NAALADL2: variants seen among roughly 807,000 people sequenced by gnomAD.
NAALADL2 encodes the protein N-acetylated alpha-linked acidic dipeptidase like 2.
NAALADL2 carries 76 observed loss-of-function variants against 87.2 expected under a neutral mutation model. The observed-to-expected ratio is 0.87, with a 90% CI of 0.72 to 1.05. The LOEUF (loss-of-function observed/expected upper bound fraction) is 1.05. Among genes scored for constraint, NAALADL2 ranks in the 50% least tolerant of loss-of-function variants. NAALADL2 has a pLI of 0.00. For missense variants in NAALADL2, 1,089 were observed against 945.8 expected (o/e 1.15, Z -1.99); for synonymous variants, 354 against 331.0 (o/e 1.07, Z -0.75).
chr3:175,717,150 G>A (rs765632783), intron 11 of NAALADL2, among the ~76,000 whole-genome samples: 22 of 152,064 alleles, frequency 1.4e-4, no homozygotes, highest in Non-Finnish European at 2.9e-4. Context: ...TTAGAAAGAC[G>A]AGTATCTTGG....
intron 9 of NAALADL2, among the ~76,000 whole-genome samples, chr3:175,504,611 CT>C (rs1730037124): frequency 7.7e-6 from 1 of 130,434 alleles, no homozygotes; most frequent in Admixed American, 7.9e-5. Context: ...CTCTCTCTCT[CT>C]CTCTCTCTCA....
At chr3:174,654,233 A>C (rs1463584059) in intron 2 of NAALADL2, among the ~76,000 whole-genome samples, 2 of 152,108 alleles carry the variant, frequency 1.3e-5, no homozygotes, top group African/African-American at 4.8e-5. Flanking sequence ...AATTTTGTTA[A>C]GGTCTGAGTG....
chr3:174,515,758 T>G lies in NAALADL2; in HGVS notation c.-183-34811T>G, dbSNP rs548855661. Among the ~76,000 whole-genome samples the G allele has an allele frequency of 4.0e-5, 6 of 151,874 alleles. No individual in the cohort carries two copies. The South Asian group carries it at 1.2e-3, about 32-fold the overall frequency. On this transcript the variant is annotated intron_variant, in intron 1 of 3. Coordinates refer to the NAALADL2 transcript ENST00000434257. ...ATATAATTGGATTGAATCATGGAAT[T>G]ATGTTTGGCAACATTATTGACAACA...
chr3:175,731,825 C>G (rs1236622564), intron 11 of NAALADL2, among the ~76,000 whole-genome samples: 1 of 152,088 alleles, frequency 6.6e-6, no homozygotes, highest in Non-Finnish European at 1.5e-5. Context: ...AGAGAAGTCG[C>G]CTTTCTCCCT....
intron 1 of NAALADL2, among the ~76,000 whole-genome samples, chr3:174,897,003 A>G (rs1479916266): frequency 6.6e-6 from 1 of 152,186 alleles, no homozygotes; most frequent in Non-Finnish European, 1.5e-5. Context: ...CTCACCATAT[A>G]CAAAAATAAA....
At chr3:175,719,902 A>T (rs1741983883) in intron 11 of NAALADL2, among the ~76,000 whole-genome samples, 1 of 152,186 alleles carries the variant, frequency 6.6e-6, no homozygotes, top group Non-Finnish European at 1.5e-5. Flanking sequence ...CAGTCTCCTC[A>T]TGTGATAGAA....
intron 1 of NAALADL2, among the ~76,000 whole-genome samples, chr3:175,026,231 G>A (rs1444325170): frequency 6.6e-6 from 1 of 152,046 alleles, no homozygotes; most frequent in Non-Finnish European, 1.5e-5. Context: ...ATATTAATGA[G>A]AAAATACACA....
At chr3:175,698,420 CATATGTATGTGTATAT>C (rs1738394012) in intron 11 of NAALADL2, among the ~76,000 whole-genome samples, 2 of 50,310 alleles carry the variant, frequency 4.0e-5, no homozygotes, top group African/African-American at 3.4e-4. Context: ...TGTATGTATA[CATATGTATGTGTATAT>C]ATTTATGTAT....
At chr3:175,358,729 A>C (rs2148900375) in intron 5 of NAALADL2, among the ~76,000 whole-genome samples, 1 of 152,326 alleles carries the variant, frequency 6.6e-6, no homozygotes, top group South Asian at 2.1e-4. Context: ...ACAACATGGT[A>C]ATCTGGCAGC....
chr3:174,557,672 G>A (rs186845277), intron 2 of NAALADL2, among the ~76,000 whole-genome samples: 1 of 151,338 alleles, frequency 6.6e-6, no homozygotes, highest in Admixed American at 6.6e-5. Context: ...TGAGGTAGTC[G>A]TCTGGAGGAG....
intron 2 of NAALADL2, among the ~76,000 whole-genome samples, chr3:174,700,046 A>G (rs1402850069): frequency 6.6e-6 from 1 of 151,066 alleles, no homozygotes; most frequent in African/African-American, 2.4e-5. Flanking sequence ...GTGTTTGTTT[A>G]CTTACTTGTT....
At chr3:175,418,660 A>T (rs185736812) in intron 5 of NAALADL2, among the ~76,000 whole-genome samples, 1 of 152,272 alleles carries the variant, frequency 6.6e-6, no homozygotes, top group Admixed American at 6.6e-5. Flanking sequence ...TGATAGTTAC[A>T]TAATAGCCTA....
chr3:174,975,191 CTT>C (rs1367194925), intron 1 of NAALADL2, among the ~76,000 whole-genome samples: 1 of 152,148 alleles, frequency 6.6e-6, no homozygotes, highest in Non-Finnish European at 1.5e-5. Flanking sequence ...CCCTGAGTGA[CTT>C]AACAACTCTG....
At chr3:174,808,130 A>G (rs2109281187) in intron 3 of NAALADL2, among the ~76,000 whole-genome samples, 1 of 152,252 alleles carries the variant, frequency 6.6e-6, no homozygotes, top group African/African-American at 2.4e-5. Flanking sequence ...TCTCTTAACT[A>G]TTAAATCACA....
intron 2 of NAALADL2, among the ~76,000 whole-genome samples, chr3:175,116,055 A>G (rs1303395311): frequency 2.0e-5 from 3 of 151,842 alleles, no homozygotes; most frequent in East Asian, 1.9e-4. Context: ...AAAAAACTCA[A>G]TAAACTAGGT....
intron 2 of NAALADL2, among the ~76,000 whole-genome samples, chr3:175,100,574 A>T (rs1560026755): frequency 6.6e-6 from 1 of 152,134 alleles, no homozygotes; most frequent in Non-Finnish European, 1.5e-5. Context: ...GCAGTGGGTA[A>T]TGCCTGTAAT....
At chr3:174,800,588 T>TA (rs1553859154) in intron 3 of NAALADL2, among the ~76,000 whole-genome samples, 2 of 151,680 alleles carry the variant, frequency 1.3e-5, no homozygotes, top group Non-Finnish European at 2.9e-5. Flanking sequence ...TTGGAGCCCC[T>TA]CCCCCCCAAC....
intron 5 of NAALADL2, among the ~76,000 whole-genome samples, chr3:175,446,789 G>C (rs757788534): frequency 9.2e-5 from 14 of 152,008 alleles, no homozygotes; most frequent in Non-Finnish European, 1.5e-4. Context: ...TTCTTTGTTC[G>C]GTGGTACAAA....
chr3:175,749,424 G>T (rs1482822762), intron 12 of NAALADL2, among the ~76,000 whole-genome samples: 5 of 152,258 alleles, frequency 3.3e-5, no homozygotes, highest in Middle Eastern at 3.4e-3. Flanking sequence ...CTGTTCTGGA[G>T]GTTTGGAAGT....
Sources: allele counts gnomAD v4.1 joint callset (sites outside exome capture counted in the v4.1 genomes callset), GRCh38; gene constraint gnomAD v4.1.1; transcripts MANE v1.5; gene names NCBI Gene and HGNC (gene_info 2026-07-23, HGNC 2026-07-21).